Variants in GLDC observed in about 807,000 individuals in gnomAD.
GLDC encodes the protein glycine decarboxylase.
A neutral mutation model predicts 121.3 loss-of-function variants in GLDC; 104 were observed. That is an observed-to-expected ratio of 0.86 (90% CI 0.73 to 1.01). The LOEUF (loss-of-function observed/expected upper bound fraction) is 1.01, where lower values mean the gene tolerates loss of function less well. GLDC is among the 50% of genes least tolerant of loss of function. The pLI, the probability that GLDC is intolerant of heterozygous loss-of-function variation, is 0.00. For missense variants in GLDC, 1,429 were observed against 1,306.6 expected (o/e 1.09, Z -1.44); for synonymous variants, 546 against 480.6 (o/e 1.14, Z -1.78).
Position 6,595,188 on chromosome 9 carries a change from C to T in GLDC, c.1156-69G>A. 3 of 1,018,496 alleles carry T rather than the reference C, an allele frequency of 2.9e-6. No individual in the cohort carries two copies. The South Asian group carries it at 3.8e-5, about 13-fold the overall frequency. The allele number at this position is 1,018,496 out of a possible 1,614,324, so 63.1% of individuals were successfully genotyped here. On this transcript the variant is annotated intron_variant, in intron 8 of 24. Transcript: ENST00000321612. ...TTAGTGGGAGGGTGTAATTACTTGA[C>T]TTGGGATGTCAAAACTGAAGACAGC...
chr9:6,637,203 G>A (rs1018446923), intron 2 of GLDC, among the ~76,000 whole-genome samples: 1 of 151,838 alleles, frequency 6.6e-6, no homozygotes, highest in Non-Finnish European at 1.5e-5. Flanking sequence ...TCAGGAGTTC[G>A]AAACCAGCCT....
chr9:6,587,106 G>C, intron 15 of GLDC, 35 bp downstream of exon 15: 3 of 1,580,926 alleles, frequency 1.9e-6, no homozygotes, highest in Non-Finnish European at 2.6e-6. Flanking sequence ...TACAAGAATA[G>C]ATTGCTGAAA....
At chr9:6,606,824 G>C (rs1818744333) in intron 4 of GLDC, among the ~76,000 whole-genome samples, 155 bp from the exon 5 acceptor site, 1 of 152,156 alleles carries the variant, frequency 6.6e-6, no homozygotes, top group Non-Finnish European at 1.5e-5. Flanking sequence ...TGTAATCCCA[G>C]CACTTTGGGA....
chr9:6,594,819 G>C (rs949363388), intron 9 of GLDC, among the ~76,000 whole-genome samples, 195 bp downstream of exon 9: 2 of 151,448 alleles, frequency 1.3e-5, no homozygotes, highest in Non-Finnish European at 2.9e-5. Flanking sequence ...AAGAAAGAAA[G>C]AAAGAAAGAA....
rs760562478 is a variant in GLDC at position 6,592,172 on chromosome 9, A to G, written c.1453T>C (p.Leu485=). 1.6e-5 allele frequency: 25 copies of G among 1,607,076 alleles called. No individual in the cohort carries two copies. In the Admixed American group the frequency reaches 4.2e-4, roughly 27 times the overall value. Residue 485 remains leucine (L), a synonymous_variant, in exon 11 of 25, where the codon TTG becomes CTG. Coordinates refer to ENST00000321612, the MANE Select transcript of GLDC (RefSeq NM_000170.3). ...TVNEKDLDDL[L]WIFGCESSAE... is the part of the protein sequence containing the mutation. ...GATGACTCACAACCAAAGATCCACA[A>G]CAAATCGTCCAGATCTTTTTCATTG...
chr9:6,548,348 A>T (rs562084978), intron 21 of GLDC, among the ~76,000 whole-genome samples: 21 of 137,928 alleles, frequency 1.5e-4, no homozygotes, highest in Non-Finnish European at 2.8e-4. Context: ...ATACACAAGC[A>T]GGATACATTT....
intron 2 of GLDC, among the ~76,000 whole-genome samples, chr9:6,625,861 A>C (rs904909416): frequency 6.6e-6 from 1 of 151,036 alleles, no homozygotes; most frequent in Admixed American, 6.6e-5. Flanking sequence ...CACCCAAAGG[A>C]AGGGGAAGAG....
intron 15 of GLDC, among the ~76,000 whole-genome samples, chr9:6,574,466 C>CA (rs555537562): frequency 0.031 from 3,593 of 117,382 alleles, 138 homozygotes; most frequent in African/African-American, 0.084. Context: ...GACTCCGTCT[C>CA]AAAAAAAAAA....
intron 20 of GLDC, among the ~76,000 whole-genome samples, chr9:6,551,494 T>C (rs1817513180): frequency 1.3e-5 from 2 of 152,206 alleles, no homozygotes; most frequent in Admixed American, 1.3e-4. Flanking sequence ...CCTACTTTCT[T>C]CCCAGAGTAC....
At chr9:6,609,054 G>A (rs1353483970) in intron 4 of GLDC, among the ~76,000 whole-genome samples, 1 of 152,100 alleles carries the variant, frequency 6.6e-6, no homozygotes, top group Non-Finnish European at 1.5e-5. Context: ...AGGCTTACAT[G>A]GGCATTCAGG....
intron 3 of GLDC, among the ~76,000 whole-genome samples, chr9:6,618,718 T>A (rs893841834): frequency 1.3e-5 from 2 of 152,186 alleles, no homozygotes; most frequent in African/African-American, 4.8e-5. Flanking sequence ...AGTGTTGTTC[T>A]ATCAGTGAGG....
intron 15 of GLDC, among the ~76,000 whole-genome samples, chr9:6,583,450 G>A (rs979225356): frequency 1.3e-5 from 2 of 152,182 alleles, no homozygotes; most frequent in African/African-American, 4.8e-5. Flanking sequence ...CAAGGCAGGA[G>A]GATCACTTCA....
At chr9:6,617,333 C>T (rs1357375670) in intron 3 of GLDC, among the ~76,000 whole-genome samples, 2 of 152,150 alleles carry the variant, frequency 1.3e-5, no homozygotes, top group Admixed American at 1.3e-4. Context: ...ACTGGCTGCT[C>T]CTACGGTAAA....
intron 8 of GLDC, among the ~76,000 whole-genome samples, chr9:6,600,343 C>A (rs1212626047): frequency 1.3e-5 from 2 of 151,172 alleles, no homozygotes; most frequent in East Asian, 3.9e-4. Context: ...CCACTGCACT[C>A]CAGAATGGAC....
At chr9:6,549,019 C>T (rs1817454062) in intron 21 of GLDC, among the ~76,000 whole-genome samples, 1 of 152,216 alleles carries the variant, frequency 6.6e-6, no homozygotes, top group Non-Finnish European at 1.5e-5. Flanking sequence ...ATTTTAAACA[C>T]CCAGCGTCTG....
Position 6,556,147 on chromosome 9 carries a change from T to C in GLDC, c.2202+6A>G, listed in dbSNP as rs368418946. On this transcript the variant is annotated splice_donor_region_variant and intron_variant, in intron 18 of 24. Transcript: ENST00000321612. ...GGAACTAAGGGCGGGCCTCTTCAGT[T>C]CCCACCTGAGCATTCATATTTGCCC... 17 of 1,610,578 alleles carry C rather than the reference T, an allele frequency of 1.1e-5. No homozygotes were observed. Among genetic ancestry groups the C allele is most frequent in the Non-Finnish European group, 1.3e-5 (15 of 1,178,050 alleles).
At chr9:6,559,516 TAAAAA>T (rs56198084) in intron 16 of GLDC, among the ~76,000 whole-genome samples, 1 of 83,268 alleles carries the variant, frequency 1.2e-5, no homozygotes. Context: ...ACTCCGTATT[TAAAAA>T]AAAAAAAAAA....
chr9:6,558,356 G>GC (rs1487219535), intron 17 of GLDC: 4 of 702,546 alleles, frequency 5.7e-6, no homozygotes, highest in Non-Finnish European at 1.0e-5. Flanking sequence ...AATTCATTCA[G>GC]TTTTTTACAC....
At position 6,558,685 on chromosome 9, in the gene GLDC, C is replaced by G; in HGVS notation, c.1927-1G>C. The G allele has an allele frequency of 6.2e-7, 1 of 1,614,132 alleles. No individual in the cohort carries two copies. The highest frequency in any genetic ancestry group is 2.2e-5 in the East Asian group (1 of 44,882). On this transcript the variant is annotated splice_acceptor_variant, in intron 16 of 24. Transcript: ENST00000321612. LOFTEE classifies it high-confidence loss of function. ...GTGCTGATTTCGGAATGAGGCAAAC[C>G]TACAGAATAGAAAGGAAGCAAAGAA...
Sources: gnomAD v4.1 joint callset for allele counts (sites outside exome capture counted in the v4.1 genomes callset) on GRCh38, gnomAD v4.1.1 for gene constraint, MANE v1.5 for transcripts, NCBI Gene and HGNC (gene_info 2026-07-23, HGNC 2026-07-21) for gene names.